Variants in LRRC4B observed in about 807,000 individuals in gnomAD.
The protein encoded by LRRC4B is leucine-rich repeat-containing protein 4B.
A neutral mutation model predicts 7.3 loss-of-function variants in LRRC4B; 1 was observed. That is an observed-to-expected ratio of 0.14 (90% CI 0.05 to 0.65). The LOEUF (loss-of-function observed/expected upper bound fraction) is 0.65, where lower values mean the gene tolerates loss of function less well. Among genes scored for constraint, LRRC4B ranks in the 30% least tolerant of loss-of-function variants. The probability of loss-of-function intolerance (pLI) is 0.84; values close to 1 mark genes in which losing one functional copy is unlikely to be tolerated. For missense variants in LRRC4B, 730 were observed against 1,041.6 expected, an observed-to-expected ratio of 0.70 and a Z score of 4.12; for synonymous variants, 500 against 499.2, an observed-to-expected ratio of 1.00 and a Z score of -0.02.
intron 1 of LRRC4B, among the ~76,000 whole-genome samples, chr19:50,562,741 T>G (rs1162851890): frequency 1.1e-4 from 14 of 125,700 alleles, no homozygotes; most frequent in South Asian, 4.6e-4. Context: ...TTTTTTTTTT[T>G]GTTTTTTTTT....
rs1982007954 is a variant in LRRC4B, at chr19:50,550,468, TCTCACGGTGGACTCTCAGGACCCCC to T, written c.-35-1620_-35-1596del. Among the ~76,000 whole-genome samples, 5 of 92,262 alleles carry T rather than the reference TCTCACGGTGGACTCTCAGGACCCCC, an allele frequency of 5.4e-5. No individual in the cohort carries two copies. In the South Asian group the frequency reaches 1.2e-3, roughly 21 times the overall value. 60.5% of individuals were successfully genotyped at this position (92,262 alleles called of 152,430 possible). ...TCACGGTGGACTCTCAGGACCCCCC[TCTCACGGTGGACTCTCAGGACCCCC>T]GACACAGGCTCACCCCCAGGCACAC... On this transcript the variant is annotated intron_variant, in intron 1 of 2. Coordinates refer to ENST00000652263, the MANE Select transcript of LRRC4B (RefSeq NM_001080457.2).
chr19:50,549,364 C>T (rs889123883), intron 1 of LRRC4B, among the ~76,000 whole-genome samples: 17 of 152,202 alleles, frequency 1.1e-4, no homozygotes, highest in Non-Finnish European at 2.1e-4. Context: ...TTGCCACCTG[C>T]GTGATCACCT....
At position 50,519,533 on chromosome 19, in the gene LRRC4B, C is replaced by T. The variant is rs562183549; in HGVS notation, c.298-118G>A. On this transcript the variant is annotated intron_variant, in intron 2 of 2. Transcript: ENST00000652263. This position sits in a 1 kb window ranked among gnomAD's most constrained non-coding sequence, Gnocchi z 8.1. ...CTGGATCTCCCGTGCTGTGCTGTGA[C>T]GGTACGACCTATATTGCAACATGGT... The T allele has an allele frequency of 1.4e-5, 20 of 1,435,686 alleles. No homozygotes were observed. The highest frequency in any genetic ancestry group is 5.7e-5 in the African/African-American group (4 of 69,774). The allele number at this position is 1,435,686 out of a possible 1,614,324, so 88.9% of individuals were successfully genotyped here. A position where few individuals can be genotyped will look rare whatever the true frequency, so the allele number is the denominator to read the frequency against.
chr19:50,547,098 GA>G (rs1981849581), intron 2 of LRRC4B, among the ~76,000 whole-genome samples: 1 of 152,216 alleles, frequency 6.6e-6, no homozygotes, highest in South Asian at 2.1e-4. Flanking sequence ...GCACAGTGCG[GA>G]ATGTCACCTG....
At chr19:50,523,534 C>T (rs1202068835) in intron 2 of LRRC4B, among the ~76,000 whole-genome samples, 8 of 37,710 alleles carry the variant, frequency 2.1e-4, no homozygotes, top group Admixed American at 4.5e-4. Context: ...AAAAATTAGC[C>T]GGGGGTGGTG....
chr19:50,551,431 C>T (rs1272965961), intron 1 of LRRC4B, among the ~76,000 whole-genome samples: 1 of 150,524 alleles, frequency 6.6e-6, no homozygotes, highest in South Asian at 2.1e-4. Context: ...CCTCCCCGCT[C>T]GCCTCCTCCG....
At position 50,548,680 on chromosome 19, in the gene LRRC4B, C is replaced by T. The variant is rs372480830; in HGVS notation, c.159G>A (p.Pro53=). The T allele has an allele frequency of 8.1e-4, 1,266 of 1,553,376 alleles. 25 individuals are homozygous for T. The highest frequency in any genetic ancestry group is 7.9e-3 in the South Asian group (672 of 85,024). The change falls in exon 2 of 3, where the codon CCG becomes CCA. Residue 53 remains proline, a synonymous_variant. Transcript: ENST00000652263. The surrounding 1 kb of genome is among the most constrained non-coding windows in gnomAD (Gnocchi z 6.8). ...AGCAGGCCACGGGGCAGGAGGTGGC[C>T]GGCGGGGAGCCCCCTCCGGCGGCAG... ...VTSAAGGGSP[P]ATSCPVACSC...
chr19:50,538,561 T>G (rs1415836188), intron 2 of LRRC4B, among the ~76,000 whole-genome samples: 1 of 12,316 alleles, frequency 8.1e-5, no homozygotes, highest in Admixed American at 1.1e-3. Context: ...TTTGTCTTGT[T>G]TTTTTTTTTT....
chr19:50,527,072 A>G lies in LRRC4B; in HGVS notation c.298-7657T>C, dbSNP rs536154088. Among the ~76,000 whole-genome samples the G allele has an allele frequency of 9.8e-3, 1,343 of 136,486 alleles. 11 individuals are homozygous for G. The highest frequency in any genetic ancestry group is 0.02 in the South Asian group (85 of 4,252). The allele number at this position is 136,486 out of a possible 152,430, so 89.5% of individuals were successfully genotyped here. ...TTTTGAGACAGAGTCTCGCTCTGTC[A>G]CCCAGGCTGGAGTGCAGTGGCACAA... On this transcript the variant is annotated intron_variant, in intron 2 of 2. Transcript: ENST00000652263.
At chr19:50,527,134 G>A (rs1378723789) in intron 2 of LRRC4B, among the ~76,000 whole-genome samples, 1 of 151,468 alleles carries the variant, frequency 6.6e-6, no homozygotes, top group Non-Finnish European at 1.5e-5. Flanking sequence ...CTGGGTTCAC[G>A]CCATTCTCCT....
intron 2 of LRRC4B, among the ~76,000 whole-genome samples, chr19:50,547,720 A>G (rs1327367664): frequency 6.6e-6 from 1 of 150,674 alleles, no homozygotes; most frequent in Admixed American, 6.7e-5. Flanking sequence ...CCTGCCCGCC[A>G]AAGGATGATA....
At chr19:50,527,632 A>G (rs1599763617) in intron 2 of LRRC4B, among the ~76,000 whole-genome samples, 1 of 152,128 alleles carries the variant, frequency 6.6e-6, no homozygotes, top group East Asian at 1.9e-4. Context: ...GCCCACGGCT[A>G]TACCTACGTA....
At chr19:50,533,779 G>C (rs1376569363) in intron 2 of LRRC4B, among the ~76,000 whole-genome samples, 1 of 152,210 alleles carries the variant, frequency 6.6e-6, no homozygotes, top group Non-Finnish European at 1.5e-5. Context: ...TCACATGGGG[G>C]TTATCAAGCA....
intron 2 of LRRC4B, among the ~76,000 whole-genome samples, chr19:50,532,722 T>TGA (rs1241770168): frequency 1.3e-5 from 2 of 152,176 alleles, no homozygotes; most frequent in Non-Finnish European, 2.9e-5. Context: ...GGCTGTGAGT[T>TGA]GGTGTGAGTA....
At chr19:50,525,508 T>G (rs1315029286) in intron 2 of LRRC4B, among the ~76,000 whole-genome samples, 1 of 150,736 alleles carries the variant, frequency 6.6e-6, no homozygotes, top group Admixed American at 6.6e-5. Context: ...CGGGTTCAAG[T>G]GATTCTCCTG....
rs1982171718 is a variant in LRRC4B, at chr19:50,553,517, G to A, written c.-35-4644C>T. On this transcript the variant is annotated intron_variant, in intron 1 of 2. Transcript: ENST00000652263. This position sits in a 1 kb window ranked among gnomAD's most constrained non-coding sequence, Gnocchi z 4.2. ...TTTCCTGGAATGCTCTTTGCCGGTT[G>A]TCCACAGGGCTCTTGCCCTGCTCTC... Among the ~76,000 whole-genome samples the A allele has an allele frequency of 6.6e-6, 1 of 152,184 alleles. No individual in the cohort carries two copies. The highest frequency in any genetic ancestry group is 2.1e-4 in the South Asian group (1 of 4,832).
At position 50,519,495 on chromosome 19, in the gene LRRC4B, T is replaced by TGGG; in HGVS notation, c.298-83_298-81dup. The TGGG allele has an allele frequency of 6.9e-7, 1 of 1,454,476 alleles. No homozygotes were observed. Among genetic ancestry groups the TGGG allele is most frequent in the East Asian group, 2.5e-5 (1 of 40,256 alleles). The allele number at this position is 1,454,476 out of a possible 1,614,324, so 90.1% of individuals were successfully genotyped here. The stretch of plus-strand genomic sequence containing the variant: ...GGATCACCAAGGTCCCGGGCGCAGG[T>TGGG]GGGGCCGTGTGGCTGGATCTCCCGT... On this transcript the variant is annotated intron_variant, in intron 2 of 2. Coordinates refer to ENST00000652263, the MANE Select transcript of LRRC4B (RefSeq NM_001080457.2). The surrounding 1 kb of genome is among the most constrained non-coding windows in gnomAD (Gnocchi z 8.1).
chr19:50,548,648 C>A lies in LRRC4B; in HGVS notation c.191G>T (p.Ser64Ile). 6.3e-7 allele frequency: 1 copy of A among 1,577,394 alleles called. No homozygotes were observed. Among genetic ancestry groups the A allele is most frequent in the Non-Finnish European group, 8.6e-7 (1 of 1,164,392 alleles). Residue 64 changes from serine (S) to isoleucine (I), a missense_variant, in exon 2 of 3, where the codon AGC (serine) becomes ATC (isoleucine). Ser to Ile is a moderately radical substitution (Grantham distance 142). Around this residue, in one of 6 missense-constraint regions of LRRC4B, gnomAD observed 143 missense variants for 158.4 expected, o/e 0.90. Coordinates refer to ENST00000652263, the MANE Select transcript of LRRC4B (RefSeq NM_001080457.2). The surrounding 1 kb of genome is among the most constrained non-coding windows in gnomAD (Gnocchi z 6.8). ...ATSCPVACSC[S>I]NQASRVICTR... ...GCAGATCACCCGGCTGGCCTGGTTGCTGCAGGAGCAGGCCACGGGGCAGGA... is the reference window on the plus strand; with the variant it reads ...GCAGATCACCCGGCTGGCCTGGTTGATGCAGGAGCAGGCCACGGGGCAGGA...
chr19:50,558,963 C>T (rs540739055), intron 1 of LRRC4B, among the ~76,000 whole-genome samples: 2 of 152,206 alleles, frequency 1.3e-5, no homozygotes, highest in Non-Finnish European at 2.9e-5. Flanking sequence ...GCCAGGCCTG[C>T]GCTGCGGGAG....
Sources: gnomAD v4.1 joint callset for allele counts (sites outside exome capture counted in the v4.1 genomes callset) on GRCh38, gnomAD v4.1.1 for gene constraint, gnomAD v4.1.1 regional missense constraint, Gnocchi (gnomAD v3.1) non-coding constraint, MANE v1.5 for transcripts, NCBI Gene and HGNC (gene_info 2026-07-23, HGNC 2026-07-21) for gene names.